LRMDA: variants seen among roughly 807,000 people sequenced by gnomAD.
The protein encoded by LRMDA is leucine-rich melanocyte differentiation-associated protein.
Under a neutral mutation model 29.8 loss-of-function variants are expected in LRMDA, and 18 were observed. That is an observed-to-expected ratio of 0.60 (90% confidence interval 0.42 to 0.90). The LOEUF is 0.90. Among genes scored for constraint, LRMDA ranks in the 40% least tolerant of loss-of-function variants. The pLI is 0.00. For missense variants in LRMDA, 273 were observed against 273.9 expected (o/e 1.00, Z 0.02); for synonymous variants, 125 against 109.4 (o/e 1.14, Z -0.89).
intron 2 of LRMDA, among the ~76,000 whole-genome samples, chr10:75,511,627 A>G (rs907669185): frequency 6.6e-6 from 1 of 152,244 alleles, no homozygotes; most frequent in Non-Finnish European, 1.5e-5. Flanking sequence ...ACCTGTCCAC[A>G]TAATGGTTCT....
intron 2 of LRMDA, among the ~76,000 whole-genome samples, chr10:75,723,771 C>T (rs897309621): frequency 1.3e-5 from 2 of 152,128 alleles, no homozygotes; most frequent in Non-Finnish European, 1.5e-5. Flanking sequence ...TATGGTGTAG[C>T]GGTGGGACAG....
chr10:76,224,932 A>G (rs1327707653), intron 5 of LRMDA, among the ~76,000 whole-genome samples: 3 of 152,034 alleles, frequency 2.0e-5, no homozygotes, highest in Non-Finnish European at 4.4e-5. Context: ...ATTTGAGTCT[A>G]TATTTCTTTG....
intron 6 of LRMDA, among the ~76,000 whole-genome samples, chr10:76,465,259 T>A (rs1842552921): frequency 6.6e-6 from 1 of 152,112 alleles, no homozygotes; most frequent in Middle Eastern, 3.2e-3. Context: ...GCATATGAGC[T>A]CCAAGAAATA....
intron 2 of LRMDA, among the ~76,000 whole-genome samples, chr10:75,497,179 G>A (rs1305645252): frequency 6.6e-6 from 1 of 152,010 alleles, no homozygotes; most frequent in African/African-American, 2.4e-5. Context: ...CAGCTCCATG[G>A]TTTCCAAGAT....
intron 2 of LRMDA, among the ~76,000 whole-genome samples, chr10:75,984,359 C>G: frequency 6.6e-6 from 1 of 152,186 alleles, no homozygotes; most frequent in Middle Eastern, 3.2e-3. Context: ...CCTGCTGGGG[C>G]CTGGTCTGCT....
In LRMDA at chr10:75,603,573, A is replaced by G. The variant is rs563973235; in HGVS notation, c.131+165079A>G. Among the ~76,000 whole-genome samples, 22 of 152,322 alleles carry G rather than the reference A, an allele frequency of 1.4e-4. 1 individual carries two copies. The South Asian group carries it at 4.6e-3, about 32-fold the overall frequency. On this transcript the variant is annotated intron_variant, in intron 2 of 6. Transcript: ENST00000611255. ...TAATTGTATTAGGTTAGTGATTCCCAATATTTTAAGGAGAAAGATGTGAGA... is the reference window on the plus strand; with the variant it reads ...TAATTGTATTAGGTTAGTGATTCCCGATATTTTAAGGAGAAAGATGTGAGA...
intron 6 of LRMDA, among the ~76,000 whole-genome samples, chr10:76,429,523 G>A (rs1433481108): frequency 2.6e-5 from 4 of 152,070 alleles, no homozygotes; most frequent in Admixed American, 6.5e-5. Context: ...AGGGAGGCGC[G>A]TACAAGCGAG....
At chr10:76,249,085 T>G (rs1398645600) in intron 5 of LRMDA, among the ~76,000 whole-genome samples, 2 of 152,198 alleles carry the variant, frequency 1.3e-5, no homozygotes, top group African/African-American at 4.8e-5. Flanking sequence ...TGTTTGCTAT[T>G]TAGAGGGGCA....
intron 6 of LRMDA, among the ~76,000 whole-genome samples, chr10:76,400,296 A>C (rs543867110): frequency 1.3e-5 from 2 of 152,208 alleles, no homozygotes; most frequent in African/African-American, 4.8e-5. Flanking sequence ...CTCAGATGAG[A>C]CCCCAGCCCT....
At chr10:75,572,560 A>G (rs1050717256) in intron 2 of LRMDA, among the ~76,000 whole-genome samples, 10 of 152,160 alleles carry the variant, frequency 6.6e-5, no homozygotes, top group South Asian at 2.1e-4. Flanking sequence ...TGCCAAGTAC[A>G]CTATTAATTT....
chr10:76,213,541 T>TA (rs1228021924), intron 5 of LRMDA, among the ~76,000 whole-genome samples: 1 of 152,232 alleles, frequency 6.6e-6, no homozygotes, highest in East Asian at 1.9e-4. Flanking sequence ...TGGAGGTTTT[T>TA]AACCTGGAAG....
At chr10:75,978,730 A>T (rs1847116371) in intron 2 of LRMDA, among the ~76,000 whole-genome samples, 1 of 152,240 alleles carries the variant, frequency 6.6e-6, no homozygotes, top group African/African-American at 2.4e-5. Flanking sequence ...TAGGTGGCAC[A>T]AATACATTTT....
chr10:76,289,813 C>T (rs185822178), intron 5 of LRMDA, among the ~76,000 whole-genome samples: 1 of 152,278 alleles, frequency 6.6e-6, no homozygotes, highest in Non-Finnish European at 1.5e-5. Flanking sequence ...TTTCGAGCAT[C>T]TGATGGTGCC....
At chr10:75,821,771 A>AAGAC (rs147831867) in intron 2 of LRMDA, among the ~76,000 whole-genome samples, 1 of 149,244 alleles carries the variant, frequency 6.7e-6, no homozygotes, top group African/African-American at 2.5e-5. Flanking sequence ...TCCATCTCAA[A>AAGAC]AAACAAACAA....
intron 2 of LRMDA, among the ~76,000 whole-genome samples, chr10:75,957,005 A>G (rs568419072): frequency 3.3e-4 from 50 of 152,356 alleles, no homozygotes; most frequent in Middle Eastern, 3.4e-3. Flanking sequence ...ACACTAAGCA[A>G]TGAGTTCCTT....
intron 6 of LRMDA, among the ~76,000 whole-genome samples, chr10:76,333,516 G>T (rs1158676478): frequency 1.3e-5 from 2 of 152,170 alleles, no homozygotes; most frequent in African/African-American, 4.8e-5. Flanking sequence ...GACAGCTGGG[G>T]CCTGGATAGA....
At chr10:76,478,144 T>C (rs1442220442) in intron 6 of LRMDA, among the ~76,000 whole-genome samples, 1 of 152,060 alleles carries the variant, frequency 6.6e-6, no homozygotes, top group Non-Finnish European at 1.5e-5. Flanking sequence ...ATTTTTGCAA[T>C]CTACTCATCT....
At chr10:76,069,709 T>C (rs1284243668) in intron 5 of LRMDA, among the ~76,000 whole-genome samples, 4 of 152,150 alleles carry the variant, frequency 2.6e-5, no homozygotes, top group Non-Finnish European at 2.9e-5. Context: ...TCTTCTTTTT[T>C]TGTTGAGCAT....
In LRMDA at chr10:76,247,895, A is replaced by G. The variant is rs118185943; in HGVS notation, c.517-76506A>G. 2.7e-3 allele frequency among the ~76,000 whole-genome samples: 412 copies of G among 152,318 alleles called. 19 individuals carry two copies. The East Asian group carries it at 0.062, about 23-fold the overall frequency. ...TGGAGCAGACAAAAGTCATCCCAGCAGAGACTCCCTGGACCAACAGTGAAG... is the reference window on the plus strand; with the variant it reads ...TGGAGCAGACAAAAGTCATCCCAGCGGAGACTCCCTGGACCAACAGTGAAG... On this transcript the variant is annotated intron_variant, in intron 5 of 6. Coordinates refer to ENST00000611255, the MANE Select transcript of LRMDA (RefSeq NM_001305581.2).
Sources: gnomAD v4.1 joint callset for allele counts (sites outside exome capture counted in the v4.1 genomes callset) on GRCh38, gnomAD v4.1.1 for gene constraint, MANE v1.5 for transcripts, NCBI Gene and HGNC (gene_info 2026-07-23, HGNC 2026-07-21) for gene names.